The following PTPRZ1 variants were observed in gnomAD, a reference collection of about 807,000 sequenced individuals.
PTPRZ1 encodes the protein protein tyrosine phosphatase receptor type Z1.
Under a neutral mutation model 214.1 loss-of-function variants are expected in PTPRZ1, and 82 were observed. The observed-to-expected ratio is 0.38, with a 90% confidence interval of 0.32 to 0.46. The LOEUF is 0.46. PTPRZ1 is among the 20% of genes least tolerant of loss of function. The pLI is 1.00. For synonymous variants in PTPRZ1, 945 were observed against 987.9 expected, an observed-to-expected ratio of 0.96 and a Z score of 0.81; for missense variants, 2,603 against 2,748.7, an observed-to-expected ratio of 0.95 and a Z score of 1.19.
rs529475632 is a variant in PTPRZ1 at position 121,934,487 on chromosome 7, C to CAA, written c.124+6290_124+6291dup. 5.7e-3 allele frequency among the ~76,000 whole-genome samples: 437 copies of CAA among 76,424 alleles called. 1 individual carries two copies. The highest frequency in any genetic ancestry group is 6.3e-3 in the Non-Finnish European group (250 of 39,908). The allele number at this position is 76,424 out of a possible 152,430, so 50.1% of individuals were successfully genotyped here. A position where few individuals can be genotyped will look rare whatever the true frequency, so the allele number is the denominator to read the frequency against. ...TGGGCAACAAAGCGAGACTCCGTCT[C>CAA]AAAAAAAAAAAAAAAAAAAAAAAAA... is the stretch of plus-strand genomic sequence containing the variant. On this transcript the variant is annotated intron_variant, in intron 2 of 29. Coordinates refer to ENST00000393386, the MANE Select transcript of PTPRZ1 (RefSeq NM_002851.3).
chr7:122,057,344 G>A (rs1792385841), intron 27 of PTPRZ1, among the ~76,000 whole-genome samples: 1 of 151,644 alleles, frequency 6.6e-6, no homozygotes. Flanking sequence ...TGAAAATGAA[G>A]TTTTCAACAT....
In PTPRZ1 at chr7:122,012,934, C is replaced by T; in HGVS notation, c.3888C>T (p.Ala1296=). ...LYSNDELFQT[A]NLEINQAHPP... ...GTAATGATGAGTTGTTCCAAACGGC[C>T]AATTTGGAGATTAACCAGGCCCATC... The change falls in exon 12 of 30, where the codon GCC becomes GCT. Residue 1296 remains alanine, a synonymous_variant. Coordinates refer to ENST00000393386, the MANE Select transcript of PTPRZ1 (RefSeq NM_002851.3). 6.2e-7 allele frequency: 1 copy of T among 1,614,034 alleles called. No individual in the cohort carries two copies. The highest frequency in any genetic ancestry group is 1.1e-5 in the South Asian group (1 of 91,080).
chr7:121,901,747 T>C (rs1189565321), intron 1 of PTPRZ1, among the ~76,000 whole-genome samples: 2 of 152,182 alleles, frequency 1.3e-5, no homozygotes, highest in Non-Finnish European at 2.9e-5. Context: ...ATTGTACATA[T>C]TTATGGGCTA....
intron 1 of PTPRZ1, among the ~76,000 whole-genome samples, chr7:121,879,577 T>C (rs923040610): frequency 6.6e-6 from 1 of 152,170 alleles, no homozygotes; most frequent in African/African-American, 2.4e-5. Flanking sequence ...GTCAATAGTT[T>C]TATCATTAAT....
intron 23 of PTPRZ1, among the ~76,000 whole-genome samples, chr7:122,048,031 A>G (rs1792054219): frequency 6.6e-6 from 1 of 152,154 alleles, no homozygotes. Flanking sequence ...AATCTATATC[A>G]TATCAGTCAT....
At chr7:122,049,436 TTTAG>T (rs1445898789) in intron 23 of PTPRZ1, among the ~76,000 whole-genome samples, 4 of 152,074 alleles carry the variant, frequency 2.6e-5, no homozygotes, top group South Asian at 2.1e-4. Flanking sequence ...AATAATTTTC[TTTAG>T]TTAGAGTTTA....
rs1477875068 is a variant in PTPRZ1, at chr7:122,012,228, A to G, written c.3182A>G (p.Glu1061Gly). ...GAACTGCAAATTCCTTCTTTCAATGAGATGGTTTACCCTTCTGAAAGCACA... is the reference window on the plus strand; with the variant it reads ...GAACTGCAAATTCCTTCTTTCAATGGGATGGTTTACCCTTCTGAAAGCACA... ...ETELQIPSFN[E>G]MVYPSESTVM... The change falls in exon 12 of 30, where the codon GAG becomes GGG. Residue 1061 changes from glutamate (E) to glycine (G), a missense_variant. Transcript: ENST00000393386. 2 of 1,613,936 alleles carry G rather than the reference A, an allele frequency of 1.2e-6. No homozygotes were observed. Among genetic ancestry groups the G allele is most frequent in the South Asian group, 2.2e-5 (2 of 91,082 alleles).
chr7:122,028,317 C>T (rs1799267195), intron 13 of PTPRZ1: 2 of 366,830 alleles, frequency 5.5e-6, no homozygotes, highest in Non-Finnish European at 9.9e-6. Flanking sequence ...GTGCTTTTAG[C>T]ATGCCTGATA....
At chr7:122,034,650 T>A (rs1799483940) in intron 17 of PTPRZ1, among the ~76,000 whole-genome samples, 3 of 152,352 alleles carry the variant, frequency 2.0e-5, no homozygotes, top group African/African-American at 7.2e-5. Context: ...CATAGACTGT[T>A]CATCTCCCTT....
In PTPRZ1 at chr7:122,001,203, G is replaced by A. The variant is rs146785015; in HGVS notation, c.1240+3197G>A. Among the ~76,000 whole-genome samples the A allele has an allele frequency of 4.9e-4, 74 of 152,052 alleles. No homozygotes were observed. The East Asian group carries it at 0.011, about 23-fold the overall frequency. Reference sequence around the variant, plus strand: ...CGTTTAAAAAAATGTGTAAGTTTGCGTTCAGAAATTAATTTAAATTTATCA... The same window carrying A: ...CGTTTAAAAAAATGTGTAAGTTTGCATTCAGAAATTAATTTAAATTTATCA... On this transcript the variant is annotated intron_variant, in intron 10 of 29. Transcript: ENST00000393386.
chr7:122,010,196 T>G (rs1798603632), intron 11 of PTPRZ1, 138 bp from the exon 12 acceptor site: 1 of 769,024 alleles, frequency 1.3e-6, no homozygotes, highest in East Asian at 2.7e-5. Flanking sequence ...GTTAGAGGTA[T>G]GCATTGTACA....
Position 122,038,898 on chromosome 7 carries a change from A to T in PTPRZ1, c.5502+9A>T, listed in dbSNP as rs186275247. ...TCGTGGAGAAAGGAAGGGTATGTAG[A>T]TAATCTGTTATGTCACCCCCAAAAA... On this transcript the variant is annotated intron_variant, in intron 19 of 29. Coordinates refer to ENST00000393386, the MANE Select transcript of PTPRZ1 (RefSeq NM_002851.3). 414 of 1,613,384 alleles carry T rather than the reference A, an allele frequency of 2.6e-4. 1 individual carries two copies. The African/African-American group carries it at 4.6e-3, about 18-fold the overall frequency.
chr7:121,985,829 C>T (rs1257071294), intron 8 of PTPRZ1, among the ~76,000 whole-genome samples: 2 of 152,186 alleles, frequency 1.3e-5, no homozygotes, highest in African/African-American at 2.4e-5. Flanking sequence ...TAGCAGTTAC[C>T]ACATTATGGT....
chr7:121,990,716 C>T (rs572222267), intron 8 of PTPRZ1, among the ~76,000 whole-genome samples: 1 of 152,012 alleles, frequency 6.6e-6, no homozygotes, highest in South Asian at 2.1e-4. Flanking sequence ...GACGGGGTTT[C>T]ACCATGTTGG....
At chr7:121,976,688 C>T in intron 5 of PTPRZ1, 97 bp from the exon 6 acceptor site, 1 of 964,606 alleles carries the variant, frequency 1.0e-6, no homozygotes, top group Admixed American at 2.7e-5. Flanking sequence ...TTTTTTAATG[C>T]ACATATTTAA....
At chr7:121,972,394 G>C (rs1797279931) in intron 3 of PTPRZ1, 147 bp from the exon 4 acceptor site, 1 of 748,772 alleles carries the variant, frequency 1.3e-6, no homozygotes, top group Non-Finnish European at 2.1e-6. Flanking sequence ...GACCTACAAA[G>C]TTTGGCTTCC....
rs148063837 is a variant in PTPRZ1, at chr7:121,885,904, A to G, written c.58+12347A>G. 7.9e-5 allele frequency among the ~76,000 whole-genome samples: 12 copies of G among 152,324 alleles called. 1 individual carries two copies. The highest frequency in any genetic ancestry group is 2.9e-4 in the African/African-American group (12 of 41,578). ...ATGGCATTCAGGCAAGCAAAGATCA[A>G]ATATTCAGCCAAATAGTCTCTCTGC... On this transcript the variant is annotated intron_variant, in intron 1 of 29. Coordinates refer to ENST00000393386, the MANE Select transcript of PTPRZ1 (RefSeq NM_002851.3).
At chr7:121,953,714 C>T (rs1179028124) in intron 2 of PTPRZ1, among the ~76,000 whole-genome samples, 5 of 152,156 alleles carry the variant, frequency 3.3e-5, no homozygotes, top group African/African-American at 1.2e-4. Context: ...TTCACTTCAG[C>T]TATTTTTTGC....
chr7:121,924,271 T>G (rs1474784231), intron 1 of PTPRZ1, among the ~76,000 whole-genome samples: 1 of 152,198 alleles, frequency 6.6e-6, no homozygotes, highest in African/African-American at 2.4e-5. Context: ...CTTTGATAGA[T>G]TCTTTTTTAT....
Sources: allele counts gnomAD v4.1 joint callset (sites outside exome capture counted in the v4.1 genomes callset), GRCh38; gene constraint gnomAD v4.1.1; transcripts MANE v1.5; gene names NCBI Gene and HGNC (gene_info 2026-07-23, HGNC 2026-07-21).